ADGRB3: variants seen among roughly 807,000 people sequenced by gnomAD.
ADGRB3 encodes the protein adhesion G protein-coupled receptor B3, also known as brain-specific angiogenesis inhibitor 3.
Under a neutral mutation model 193.4 loss-of-function variants are expected in ADGRB3, and 37 were observed. The ratio of observed to expected loss-of-function variants is 0.19; its 90% CI spans 0.15 to 0.25. The LOEUF is 0.25. ADGRB3 is among the 10% of genes least tolerant of loss of function. ADGRB3 has a pLI of 1.00. For missense variants in ADGRB3, 1,637 were observed against 1,852.9 expected, an observed-to-expected ratio of 0.88 and a Z score of 2.14; for synonymous variants, 690 against 644.2, an observed-to-expected ratio of 1.07 and a Z score of -1.08.
intron 3 of ADGRB3, among the ~76,000 whole-genome samples, chr6:68,922,937 T>C (rs940310173): frequency 6.6e-6 from 1 of 152,164 alleles, no homozygotes; most frequent in African/African-American, 2.4e-5. Context: ...GTTAATTGAT[T>C]AAAGGAATTT....
At chr6:68,766,842 T>G (rs774880952) in intron 3 of ADGRB3, among the ~76,000 whole-genome samples, 31 of 152,060 alleles carry the variant, frequency 2.0e-4, no homozygotes, top group Non-Finnish European at 3.7e-4. Context: ...TGTATATGAT[T>G]AAAAACACAA....
intron 17 of ADGRB3, among the ~76,000 whole-genome samples, chr6:69,077,185 AT>A (rs895103313): frequency 9.2e-5 from 14 of 151,896 alleles, no homozygotes; most frequent in Middle Eastern, 3.4e-3. Context: ...TGTCATTATT[AT>A]TTTTTTCTTT....
At chr6:68,695,168 A>G (rs1765136793) in intron 3 of ADGRB3, among the ~76,000 whole-genome samples, 1 of 151,988 alleles carries the variant, frequency 6.6e-6, no homozygotes, top group African/African-American at 2.4e-5. Flanking sequence ...GCAGTATGAG[A>G]TAGCACAGAT....
At chr6:69,319,715 C>T (rs765941496) in intron 20 of ADGRB3, among the ~76,000 whole-genome samples, 2 of 151,094 alleles carry the variant, frequency 1.3e-5, no homozygotes, top group Non-Finnish European at 3.0e-5. Flanking sequence ...TATTTTTCTC[C>T]CAATACTAAC....
At chr6:68,727,565 A>C (rs1163853517) in intron 3 of ADGRB3, among the ~76,000 whole-genome samples, 1 of 151,544 alleles carries the variant, frequency 6.6e-6, no homozygotes, top group Non-Finnish European at 1.5e-5. Context: ...ATGCTGGTAC[A>C]TTGTAATTTA....
intron 3 of ADGRB3, among the ~76,000 whole-genome samples, chr6:68,736,624 A>G (rs1003869810): frequency 4.6e-5 from 7 of 152,162 alleles, no homozygotes; most frequent in African/African-American, 1.7e-4. Flanking sequence ...AGAAGCTTTT[A>G]GAGGACTTGT....
At chr6:68,780,602 G>T (rs1766834209) in intron 3 of ADGRB3, among the ~76,000 whole-genome samples, 1 of 152,058 alleles carries the variant, frequency 6.6e-6, no homozygotes, top group Non-Finnish European at 1.5e-5. Context: ...TCCATTTTCA[G>T]TTTCACGTAG....
intron 3 of ADGRB3, among the ~76,000 whole-genome samples, chr6:68,767,977 T>A (rs373094449): frequency 2.0e-5 from 3 of 152,214 alleles, no homozygotes; most frequent in East Asian, 3.9e-4. Context: ...GAATAAAACT[T>A]ACAAGGGATG....
chr6:69,311,729 T>C (rs1012080754), intron 20 of ADGRB3, among the ~76,000 whole-genome samples: 6 of 151,794 alleles, frequency 4.0e-5, no homozygotes, highest in Admixed American at 1.3e-4. Flanking sequence ...GGGACCCTTC[T>C]TTTTATTAAA....
intron 3 of ADGRB3, among the ~76,000 whole-genome samples, chr6:68,692,329 G>A (rs1407007209): frequency 6.6e-6 from 1 of 151,732 alleles, no homozygotes; most frequent in East Asian, 1.9e-4. Flanking sequence ...CGTGTTTAAA[G>A]CAATGAAATC....
At chr6:69,172,702 TAAAC>T (rs1373422198) in intron 17 of ADGRB3, among the ~76,000 whole-genome samples, 2 of 59,210 alleles carry the variant, frequency 3.4e-5, no homozygotes, top group Non-Finnish European at 7.4e-5. Context: ...AAGAAAGAAA[TAAAC>T]AAGCAAAAGA....
At chr6:69,273,329 T>C (rs1262814804) in intron 20 of ADGRB3, among the ~76,000 whole-genome samples, 1 of 152,212 alleles carries the variant, frequency 6.6e-6, no homozygotes. Context: ...TCAAAATCAC[T>C]TCTCCTGTCT....
At chr6:68,856,753 A>G (rs556681894) in intron 3 of ADGRB3, among the ~76,000 whole-genome samples, 1 of 152,344 alleles carries the variant, frequency 6.6e-6, no homozygotes, top group Non-Finnish European at 1.5e-5. Flanking sequence ...AGAAATTAGC[A>G]TAAGTAATGA....
intron 3 of ADGRB3, among the ~76,000 whole-genome samples, chr6:68,849,876 A>G (rs1768361957): frequency 6.6e-6 from 1 of 151,990 alleles, no homozygotes; most frequent in Non-Finnish European, 1.5e-5. Flanking sequence ...CAGAAAATAA[A>G]CCAATAAGCT....
At chr6:69,006,320 G>A (rs1769748572) in intron 11 of ADGRB3, among the ~76,000 whole-genome samples, 1 of 148,278 alleles carries the variant, frequency 6.7e-6, no homozygotes, top group African/African-American at 2.6e-5. Context: ...AAGTGCATCA[G>A]GGGAAAAAAA....
chr6:68,998,614 A>G (rs1769464620), intron 11 of ADGRB3, among the ~76,000 whole-genome samples: 2 of 152,244 alleles, frequency 1.3e-5, no homozygotes, highest in African/African-American at 4.8e-5. Context: ...CTCTTTGGCA[A>G]CTGTTGCATA....
At chr6:68,727,738 T>C (rs1765699404) in intron 3 of ADGRB3, among the ~76,000 whole-genome samples, 1 of 151,554 alleles carries the variant, frequency 6.6e-6, no homozygotes, top group African/African-American at 2.4e-5. Context: ...CTTTATATTC[T>C]ATAGGCCTTT....
At chr6:68,881,728 C>T (rs566253703) in intron 3 of ADGRB3, among the ~76,000 whole-genome samples, 25 of 152,270 alleles carry the variant, frequency 1.6e-4, no homozygotes, top group African/African-American at 6.0e-4. Context: ...TGGAAGGTAG[C>T]TCTGTCTTTC....
intron 29 of ADGRB3, among the ~76,000 whole-genome samples, chr6:69,371,530 C>T (rs1040439029): frequency 6.6e-6 from 1 of 151,974 alleles, no homozygotes; most frequent in African/African-American, 2.4e-5. Context: ...TGTTAATTCT[C>T]CCTGTTTCAT....
Sources: gnomAD v4.1 joint callset for allele counts (sites outside exome capture counted in the v4.1 genomes callset) on GRCh38, gnomAD v4.1.1 for gene constraint, MANE v1.5 for transcripts, NCBI Gene and HGNC (gene_info 2026-07-23, HGNC 2026-07-21) for gene names.